Variants in ADAMTS17 observed in about 807,000 individuals in gnomAD.
ADAMTS17 encodes the protein A disintegrin and metalloproteinase with thrombospondin motifs 17.
ADAMTS17 carries 113 observed loss-of-function variants against 141.5 expected under a neutral mutation model. That is an observed-to-expected ratio of 0.80 (90% CI 0.69 to 0.93). ADAMTS17 has a LOEUF of 0.93. Among genes scored for constraint, ADAMTS17 ranks in the 40% least tolerant of loss-of-function variants. The probability of loss-of-function intolerance (pLI) is 0.00; values close to 1 mark genes in which losing one functional copy is unlikely to be tolerated. For synonymous variants in ADAMTS17, 768 were observed against 630.6 expected, an observed-to-expected ratio of 1.22 and a Z score of -3.27; for missense variants, 1,659 against 1,517.9, an observed-to-expected ratio of 1.09 and a Z score of -1.54.
intron 7 of ADAMTS17, among the ~76,000 whole-genome samples, chr15:100,207,320 C>G (rs1319803096): frequency 6.6e-6 from 1 of 152,176 alleles, no homozygotes; most frequent in African/African-American, 2.4e-5. Flanking sequence ...GTCCTACTGG[C>G]ACTGCGGAGT....
At chr15:100,117,254 A>G (rs1433748157) in intron 12 of ADAMTS17, among the ~76,000 whole-genome samples, 2 of 150,912 alleles carry the variant, frequency 1.3e-5, no homozygotes, top group Non-Finnish European at 3.0e-5. Flanking sequence ...ATGGAAAAAG[A>G]AGGCAGTGAG....
At chr15:99,990,283 G>A (rs2060664881) in intron 20 of ADAMTS17, among the ~76,000 whole-genome samples, 1 of 152,084 alleles carries the variant, frequency 6.6e-6, no homozygotes, top group African/African-American at 2.4e-5. Context: ...AAGCAATCCT[G>A]CCTTGGCCTC....
chr15:100,247,453 A>C (rs374165820), intron 7 of ADAMTS17, among the ~76,000 whole-genome samples: 1 of 152,048 alleles, frequency 6.6e-6, no homozygotes, highest in Non-Finnish European at 1.5e-5. Flanking sequence ...TACCAACACC[A>C]CTGTAACACA....
At chr15:100,161,834 G>A (rs955701177) in intron 8 of ADAMTS17, among the ~76,000 whole-genome samples, 15 of 152,164 alleles carry the variant, frequency 9.9e-5, no homozygotes, top group African/African-American at 3.4e-4. Flanking sequence ...CCCCCTTTAC[G>A]GAGAACAAAA....
intron 2 of ADAMTS17, among the ~76,000 whole-genome samples, chr15:100,332,396 G>A (rs536582135): frequency 1.3e-5 from 2 of 152,354 alleles, no homozygotes; most frequent in African/African-American, 4.8e-5. Context: ...GAAAGAGTGG[G>A]CAGGGTACGG....
At position 99,993,020 on chromosome 15, in the gene ADAMTS17, G is replaced by T. The variant is rs757247544; in HGVS notation, c.2949+28C>A. 6.2e-7 allele frequency: 1 copy of T among 1,613,842 alleles called. No individual in the cohort carries two copies. Among genetic ancestry groups the T allele is most frequent in the Non-Finnish European group, 8.5e-7 (1 of 1,179,994 alleles). ...CTCGAGCCCCCTGCACTGCGGCACG[G>T]AGAGAAATGCCAGCAGGCTGCTCTC... On this transcript the variant is annotated intron_variant, in intron 20 of 21. Coordinates refer to ENST00000268070, the MANE Select transcript of ADAMTS17 (RefSeq NM_139057.4). The surrounding 1 kb of genome is among the most constrained non-coding windows in gnomAD (Gnocchi z 4.3).
At chr15:100,083,821 G>A (rs1476243816) in intron 15 of ADAMTS17, among the ~76,000 whole-genome samples, 1 of 151,312 alleles carries the variant, frequency 6.6e-6, no homozygotes, top group East Asian at 1.9e-4. Flanking sequence ...CTGGCACTTG[G>A]CCCTTCCCCC....
chr15:100,321,790 G>C (rs1330106403), intron 3 of ADAMTS17, among the ~76,000 whole-genome samples: 1 of 152,104 alleles, frequency 6.6e-6, no homozygotes, highest in Non-Finnish European at 1.5e-5. Flanking sequence ...AATCAAGCAG[G>C]TCCAAAATAA....
chr15:100,069,761 A>G (rs1290039836), intron 15 of ADAMTS17, among the ~76,000 whole-genome samples: 7 of 146,860 alleles, frequency 4.8e-5, no homozygotes. Flanking sequence ...CATGGAAAGG[A>G]ACAACTGGTA....
At chr15:100,271,620 C>G (rs1301929587) in intron 4 of ADAMTS17, among the ~76,000 whole-genome samples, 1 of 150,686 alleles carries the variant, frequency 6.6e-6, no homozygotes, top group Admixed American at 6.6e-5. Context: ...TAGAAGCTTT[C>G]TATATATTCT....
chr15:100,114,530 G>A (rs1407828657), intron 13 of ADAMTS17, among the ~76,000 whole-genome samples: 2 of 152,216 alleles, frequency 1.3e-5, no homozygotes, highest in South Asian at 2.1e-4. Flanking sequence ...AAGTCAGGGC[G>A]ATTCTACCCC....
chr15:100,127,403 A>T (rs1488579971), intron 12 of ADAMTS17, among the ~76,000 whole-genome samples: 1 of 152,124 alleles, frequency 6.6e-6, no homozygotes, highest in African/African-American at 2.4e-5. Context: ...GGGGAGGCCA[A>T]GGGTTGCCGG....
At chr15:100,212,346 C>T (rs919451421) in intron 7 of ADAMTS17, among the ~76,000 whole-genome samples, 1 of 152,166 alleles carries the variant, frequency 6.6e-6, no homozygotes, top group African/African-American at 2.4e-5. Flanking sequence ...GTGCATAACG[C>T]ATTCCAGGGA....
In ADAMTS17 at chr15:100,051,746, A is replaced by G; in HGVS notation, c.2296-15T>C. 6.2e-7 allele frequency: 1 copy of G among 1,614,166 alleles called. No individual in the cohort carries two copies. The highest frequency in any genetic ancestry group is 1.1e-5 in the South Asian group (1 of 91,066). On this transcript the variant is annotated splice_polypyrimidine_tract_variant and intron_variant, in intron 16 of 21. Coordinates refer to ENST00000268070, the MANE Select transcript of ADAMTS17 (RefSeq NM_139057.4). ...AATAACAACACCTGGATCAGCCGCA[A>G]AACAAAAGGCCATTTTGAAAAGGAA...
At chr15:100,331,349 TTTAAAA>T (rs571552665) in intron 2 of ADAMTS17, among the ~76,000 whole-genome samples, 196 of 152,282 alleles carry the variant, frequency 1.3e-3, no homozygotes, top group African/African-American at 4.5e-3. Context: ...AATTTTTAAT[TTTAAAA>T]TTATTTTTTA....
In ADAMTS17 at chr15:99,974,175, T is replaced by G; in HGVS notation, c.*227A>C. On this transcript the variant is annotated 3_prime_UTR_variant, in exon 22 of 22. Coordinates refer to ENST00000268070, the MANE Select transcript of ADAMTS17 (RefSeq NM_139057.4). ...TGAAATCCTAGAAATTGAAGTTACT[T>G]TGTGACTCATGCCTACTTTCTCCTC... 1.7e-6 allele frequency: 1 copy of G among 589,198 alleles called. No individual in the cohort carries two copies. The allele number at this position is 589,198 out of a possible 1,614,324, so 36.5% of individuals were successfully genotyped here.
At position 100,147,114 on chromosome 15, in the gene ADAMTS17, G is replaced by C. The variant is rs556657867; in HGVS notation, c.1473+5498C>G. Among the ~76,000 whole-genome samples the C allele has an allele frequency of 6.6e-5, 10 of 152,088 alleles. No homozygotes were observed. In the East Asian group the frequency reaches 1.9e-3, roughly 29 times the overall value. ...CTATTCGCACACTCCCTCCCCTTTT[G>C]AAAATCCCTAATAAAAACTTGCTGG... On this transcript the variant is annotated intron_variant, in intron 10 of 21. Transcript: ENST00000268070.
At chr15:100,022,768 C>A (rs1354777053) in intron 18 of ADAMTS17, among the ~76,000 whole-genome samples, 2 of 152,108 alleles carry the variant, frequency 1.3e-5, no homozygotes, top group East Asian at 1.9e-4. Flanking sequence ...ATACCGTAAC[C>A]ACTTTCAACT....
intron 15 of ADAMTS17, among the ~76,000 whole-genome samples, chr15:100,083,315 A>C (rs760112364): frequency 6.6e-6 from 1 of 152,178 alleles, no homozygotes; most frequent in Non-Finnish European, 1.5e-5. Flanking sequence ...GGCTGGAAGC[A>C]GACTTTTGTG....
Sources: allele counts gnomAD v4.1 joint callset (sites outside exome capture counted in the v4.1 genomes callset), GRCh38; gene constraint gnomAD v4.1.1; non-coding constraint Gnocchi (gnomAD v3.1); transcripts MANE v1.5; gene names NCBI Gene and HGNC (gene_info 2026-07-23, HGNC 2026-07-21).